The following TFDP2 variants were observed in gnomAD, a reference collection of about 807,000 sequenced individuals.
The protein encoded by TFDP2 is transcription factor Dp-2, also known as transcription factor Dp-2 (E2F dimerization partner 2).
TFDP2 carries 17 observed loss-of-function variants against 59.3 expected under a neutral mutation model. The observed-to-expected ratio is 0.29, with a 90% CI of 0.20 to 0.43. The LOEUF (loss-of-function observed/expected upper bound fraction) is 0.43, where lower values mean the gene tolerates loss of function less well. TFDP2 is among the 20% of genes least tolerant of loss of function. The probability of loss-of-function intolerance (pLI) is 1.00; values close to 1 mark genes in which losing one functional copy is unlikely to be tolerated. For missense variants in TFDP2, 391 were observed against 528.8 expected (o/e 0.74, Z 2.56); for synonymous variants, 180 against 194.7 (o/e 0.92, Z 0.63).
rs1935120728 is a variant in TFDP2 at position 141,945,302 on chromosome 3, T to C, written c.*7211A>G. The stretch of plus-strand genomic sequence containing the variant: ...GCGCCACCACACCCGGCTAATTTTA[T>C]ATTTTTAGTAGAGACAGGGTTTCTC... On this transcript the variant is annotated 3_prime_UTR_variant, in exon 13 of 13. Transcript: ENST00000489671. 1 of 150,746 alleles carries C rather than the reference T, an allele frequency of 6.6e-6. No individual in the cohort carries two copies. Among genetic ancestry groups the C allele is most frequent in the Non-Finnish European group, 1.5e-5 (1 of 68,076 alleles). The allele number at this position is 150,746 out of a possible 1,614,324, so 9.3% of individuals were successfully genotyped here.
chr3:141,985,613 AT>A (rs1942014737), intron 6 of TFDP2, among the ~76,000 whole-genome samples: 1 of 152,056 alleles, frequency 6.6e-6, no homozygotes, highest in South Asian at 2.1e-4. Context: ...CTTAATAAAA[AT>A]TAACTCAAAG....
intron 3 of TFDP2, among the ~76,000 whole-genome samples, chr3:142,087,574 C>T (rs2060842798): frequency 6.6e-6 from 1 of 151,260 alleles, no homozygotes. Flanking sequence ...GATCTCAGCT[C>T]ACTGCAACCT....
At chr3:142,115,451 T>C (rs2061822484) in intron 1 of TFDP2, among the ~76,000 whole-genome samples, 1 of 151,982 alleles carries the variant, frequency 6.6e-6, no homozygotes, top group South Asian at 2.1e-4. Context: ...CCTGAGTAGC[T>C]GGGACTACAG....
intron 3 of TFDP2, among the ~76,000 whole-genome samples, chr3:142,083,045 AG>A (rs2060693771): frequency 6.6e-6 from 1 of 152,212 alleles, no homozygotes; most frequent in Admixed American, 6.5e-5. Context: ...ATAAAAATAA[AG>A]GGCCATTCAA....
intron 3 of TFDP2, among the ~76,000 whole-genome samples, chr3:142,034,249 C>G (rs1160195419): frequency 6.6e-6 from 1 of 151,994 alleles, no homozygotes; most frequent in East Asian, 1.9e-4. Context: ...GCATGCGCCA[C>G]CACGCCTGGC....
chr3:142,062,409 G>A (rs1450186327), intron 3 of TFDP2, among the ~76,000 whole-genome samples: 18 of 144,732 alleles, frequency 1.2e-4, no homozygotes, highest in South Asian at 2.1e-4. Context: ...ATATGTGTGT[G>A]TGTGTGTGTG....
At chr3:142,146,993 G>A (rs565664098) in intron 1 of TFDP2, among the ~76,000 whole-genome samples, 13 of 151,508 alleles carry the variant, frequency 8.6e-5, no homozygotes, top group African/African-American at 3.2e-4. Context: ...GGGAGGGTGA[G>A]GTGGGAGGAT....
chr3:141,966,664 C>T (rs1938119509), intron 9 of TFDP2, among the ~76,000 whole-genome samples: 1 of 151,560 alleles, frequency 6.6e-6, no homozygotes, highest in Admixed American at 6.6e-5. Flanking sequence ...TAAGTGTGTT[C>T]ATTCATTTTC....
chr3:141,966,492 C>T (rs1189035038), intron 9 of TFDP2, among the ~76,000 whole-genome samples: 1 of 151,734 alleles, frequency 6.6e-6, no homozygotes, highest in African/African-American at 2.4e-5. Flanking sequence ...TTTTTTAACA[C>T]TGTCACAAAT....
At chr3:141,965,141 T>G (rs576051560) in intron 9 of TFDP2, among the ~76,000 whole-genome samples, 46 of 150,008 alleles carry the variant, frequency 3.1e-4, no homozygotes, top group Non-Finnish European at 6.0e-4. Flanking sequence ...AAAGACTGTA[T>G]GCAGTTCAAG....
intron 3 of TFDP2, among the ~76,000 whole-genome samples, chr3:142,018,050 C>A (rs754278198): frequency 1.3e-5 from 2 of 152,102 alleles, no homozygotes; most frequent in Non-Finnish European, 2.9e-5. Context: ...TCAGGCGATT[C>A]TCCTGCCTCA....
In TFDP2 at chr3:142,109,890, A is replaced by G. The variant is rs761735866; in HGVS notation, c.-92-8049T>C. On this transcript the variant is annotated intron_variant, in intron 1 of 12. Transcript: ENST00000489671. ...TATTTTTATGTTCACTGCTCCCTTTATTTTAGAGGCAGGGTCTCACTCTGT... is the reference window on the plus strand; with the variant it reads ...TATTTTTATGTTCACTGCTCCCTTTGTTTTAGAGGCAGGGTCTCACTCTGT... Among the ~76,000 whole-genome samples, 187 of 151,730 alleles carry G rather than the reference A, an allele frequency of 1.2e-3. 1 individual carries two copies. Among genetic ancestry groups the G allele is most frequent in the Non-Finnish European group, 2.4e-3 (163 of 67,892 alleles).
intron 3 of TFDP2, among the ~76,000 whole-genome samples, chr3:142,031,028 C>T (rs1946407309): frequency 6.6e-6 from 1 of 152,168 alleles, no homozygotes; most frequent in African/African-American, 2.4e-5. Context: ...AGGCGTGAGC[C>T]ACCGCGCCCG....
In TFDP2 at chr3:141,973,472, C is replaced by T. The variant is rs575040865; in HGVS notation, c.663+576G>A. Reference sequence around the variant, plus strand: ...TAGAAACAGTATGTCAGGGAACATGCTCATTTAGGAAGAGTTTTCTATAAT... The same window carrying T: ...TAGAAACAGTATGTCAGGGAACATGTTCATTTAGGAAGAGTTTTCTATAAT... On this transcript the variant is annotated intron_variant, in intron 8 of 12. Transcript: ENST00000489671. 5.3e-5 allele frequency among the ~76,000 whole-genome samples: 8 copies of T among 152,222 alleles called. No individual in the cohort carries two copies. In the East Asian group the frequency reaches 1.5e-3, roughly 29 times the overall value.
chr3:142,038,712 C>T (rs911165939), intron 3 of TFDP2, among the ~76,000 whole-genome samples: 9 of 151,812 alleles, frequency 5.9e-5, no homozygotes, highest in South Asian at 2.1e-4. Flanking sequence ...GTACACATAT[C>T]GAGTCTTTCT....
At chr3:142,122,963 GT>G (rs572896588) in intron 1 of TFDP2, among the ~76,000 whole-genome samples, 105 of 146,794 alleles carry the variant, frequency 7.2e-4, no homozygotes, top group African/African-American at 1.0e-3. Flanking sequence ...TTTATATAAA[GT>G]TTTTTTTTTT....
At chr3:142,005,087 A>T (rs548676851) in intron 4 of TFDP2, among the ~76,000 whole-genome samples, 45 of 152,324 alleles carry the variant, frequency 3.0e-4, no homozygotes, top group African/African-American at 9.6e-4. Context: ...TTGCTTTATC[A>T]CCCAGGCAGG....
At chr3:141,960,909 C>T (rs1011667798) in intron 10 of TFDP2, among the ~76,000 whole-genome samples, 1 of 152,140 alleles carries the variant, frequency 6.6e-6, no homozygotes, top group East Asian at 1.9e-4. Flanking sequence ...TTTGGACCTA[C>T]GTCGGATAAC....
At chr3:142,095,149 C>T (rs2061122732) in intron 2 of TFDP2, among the ~76,000 whole-genome samples, 1 of 152,084 alleles carries the variant, frequency 6.6e-6, no homozygotes, top group Non-Finnish European at 1.5e-5. Flanking sequence ...CACCACCACG[C>T]CCAGCTAATT....
Sources: gnomAD v4.1 joint callset for allele counts (sites outside exome capture counted in the v4.1 genomes callset) on GRCh38, gnomAD v4.1.1 for gene constraint, MANE v1.5 for transcripts, NCBI Gene and HGNC (gene_info 2026-07-23, HGNC 2026-07-21) for gene names.